Variants in RABGAP1L observed in about 807,000 individuals in gnomAD.
RABGAP1L encodes RAB GTPase activating protein 1 like, also known as rab GTPase-activating protein 1-like.
Under a neutral mutation model 137.7 loss-of-function variants are expected in RABGAP1L, and 63 were observed. The ratio of observed to expected loss-of-function variants is 0.46; its 90% CI spans 0.37 to 0.56. The LOEUF (loss-of-function observed/expected upper bound fraction) is 0.56. Ranked by LOEUF, RABGAP1L falls within the 20% of genes least tolerant of loss-of-function variation. The pLI, the probability that RABGAP1L is intolerant of heterozygous loss-of-function variation, is 0.00. For synonymous variants in RABGAP1L, 431 were observed against 433.7 expected (o/e 0.99, Z 0.08); for missense variants, 1,095 against 1,244.0 (o/e 0.88, Z 1.80).
In RABGAP1L at chr1:174,893,718, T is replaced by C. The variant is rs537840841; in HGVS notation, c.2341-63739T>C. Among the ~76,000 whole-genome samples, 6 of 152,304 alleles carry C rather than the reference T, an allele frequency of 3.9e-5. No individual in the cohort carries two copies. In the South Asian group the frequency reaches 1.2e-3, roughly 32 times the overall value. On this transcript the variant is annotated intron_variant, in intron 19 of 25. Transcript: ENST00000681986. ...AGCAGGTACTTCCTAATCAGGATCT[T>C]GACAACTATCAGCCACATAGAATAC...
At chr1:174,249,197 T>C (rs554858184) in intron 5 of RABGAP1L, among the ~76,000 whole-genome samples, 1 of 152,266 alleles carries the variant, frequency 6.6e-6, no homozygotes, top group East Asian at 1.9e-4. Flanking sequence ...ACCAATAGAA[T>C]AGATAAGAAT....
intron 18 of RABGAP1L, among the ~76,000 whole-genome samples, chr1:174,781,919 G>A (rs1168441212): frequency 6.6e-6 from 1 of 152,094 alleles, no homozygotes; most frequent in Non-Finnish European, 1.5e-5. Flanking sequence ...TGTTCCATTG[G>A]TCTGTATCTC....
intron 15 of RABGAP1L, among the ~76,000 whole-genome samples, chr1:174,685,368 T>A (rs1326493892): frequency 1.3e-5 from 2 of 152,046 alleles, no homozygotes; most frequent in African/African-American, 4.8e-5. Flanking sequence ...TTCTCCTGCC[T>A]CAGCCTTCCC....
chr1:174,267,770 GT>G (rs1390620459), intron 7 of RABGAP1L, among the ~76,000 whole-genome samples: 7 of 152,084 alleles, frequency 4.6e-5, no homozygotes, highest in Non-Finnish European at 1.0e-4. Context: ...ATAAACAATA[GT>G]TTTACTTTTT....
chr1:174,815,213 A>T (rs1690272536), intron 19 of RABGAP1L, among the ~76,000 whole-genome samples: 1 of 152,194 alleles, frequency 6.6e-6, no homozygotes, highest in African/African-American at 2.4e-5. Flanking sequence ...TGAATAATGG[A>T]AGTGCATGTG....
chr1:174,445,381 AT>A (rs1366225832), intron 13 of RABGAP1L, among the ~76,000 whole-genome samples: 1 of 152,148 alleles, frequency 6.6e-6, no homozygotes, highest in Non-Finnish European at 1.5e-5. Context: ...TTCTTTGACC[AT>A]TTGACCTTTT....
chr1:174,183,254 G>A (rs1295297448), intron 1 of RABGAP1L, among the ~76,000 whole-genome samples: 1 of 152,168 alleles, frequency 6.6e-6, no homozygotes, highest in African/African-American at 2.4e-5. Context: ...AATAAAAACA[G>A]ATACATTATT....
chr1:174,975,370 C>A (rs1224696654), intron 21 of RABGAP1L, among the ~76,000 whole-genome samples: 1 of 152,148 alleles, frequency 6.6e-6, no homozygotes, highest in African/African-American at 2.4e-5. Context: ...GAAGCCGAGG[C>A]CTAAAAGGTG....
chr1:174,921,580 A>G (rs1661817758), intron 19 of RABGAP1L, among the ~76,000 whole-genome samples: 1 of 152,174 alleles, frequency 6.6e-6, no homozygotes, highest in East Asian at 1.9e-4. Context: ...TAAGGAGTTT[A>G]TTTTCTGCAA....
chr1:174,648,234 T>C (rs1675159124), intron 14 of RABGAP1L, among the ~76,000 whole-genome samples: 1 of 152,146 alleles, frequency 6.6e-6, no homozygotes, highest in African/African-American at 2.4e-5. Context: ...AGTTATTTCT[T>C]GTCTTCTGCT....
chr1:174,466,788 G>A (rs900066547), intron 13 of RABGAP1L, among the ~76,000 whole-genome samples: 3 of 151,910 alleles, frequency 2.0e-5, no homozygotes, highest in Non-Finnish European at 1.5e-5. Flanking sequence ...CTTTATCCCC[G>A]CCCCCGAAAA....
intron 19 of RABGAP1L, among the ~76,000 whole-genome samples, chr1:174,896,078 A>G (rs1657108394): frequency 6.6e-6 from 1 of 152,110 alleles, no homozygotes; most frequent in African/African-American, 2.4e-5. Context: ...AAGTGTTCCT[A>G]TTTCTCCACA....
chr1:174,689,565 A>C (rs958250663), intron 15 of RABGAP1L, among the ~76,000 whole-genome samples: 9 of 152,144 alleles, frequency 5.9e-5, no homozygotes, highest in African/African-American at 2.2e-4. Context: ...GTGGGGCAAA[A>C]TGACTGTTGG....
intron 13 of RABGAP1L, among the ~76,000 whole-genome samples, chr1:174,499,466 C>T (rs1287131263): frequency 6.6e-6 from 1 of 152,052 alleles, no homozygotes. Context: ...TTGATGTTTA[C>T]AAGTATTGAG....
intron 17 of RABGAP1L, among the ~76,000 whole-genome samples, chr1:174,706,054 C>G (rs537841616): frequency 1.3e-5 from 2 of 152,142 alleles, no homozygotes; most frequent in South Asian, 2.1e-4. Flanking sequence ...CTCAAAGATC[C>G]CATTGCAAAG....
rs890645135 is a variant in RABGAP1L, at chr1:174,166,581, C to G, written c.-34+6924C>G. Reference sequence around the variant, plus strand: ...GTTTTGAAGTCTTGGATGGAACTTGCCTTGTTTCACAGGGGAATTGGGTAG... The same window carrying G: ...GTTTTGAAGTCTTGGATGGAACTTGGCTTGTTTCACAGGGGAATTGGGTAG... On this transcript the variant is annotated intron_variant, in intron 1 of 25. Coordinates refer to ENST00000681986, the MANE Select transcript of RABGAP1L (RefSeq NM_001366446.1). Among the ~76,000 whole-genome samples the G allele has an allele frequency of 1.2e-4, 18 of 152,152 alleles. No individual in the cohort carries two copies. The South Asian group carries it at 1.2e-3, about 10-fold the overall frequency.
chr1:174,187,701 A>T (rs535980927), intron 1 of RABGAP1L, among the ~76,000 whole-genome samples: 39 of 152,310 alleles, frequency 2.6e-4, no homozygotes, highest in South Asian at 1.7e-3. Context: ...TTTTAAAAAT[A>T]GTCATTTATT....
At chr1:174,686,213 A>G (rs1678447531) in intron 15 of RABGAP1L, among the ~76,000 whole-genome samples, 1 of 152,212 alleles carries the variant, frequency 6.6e-6, no homozygotes, top group Non-Finnish European at 1.5e-5. Flanking sequence ...AAGAGCAATT[A>G]TAGTAGATTC....
chr1:174,548,493 T>A, intron 13 of RABGAP1L: 1 of 947,596 alleles, frequency 1.1e-6, no homozygotes, highest in South Asian at 4.8e-5. Context: ...ATAACCTGAT[T>A]TTCTCATGGC....
Sources: allele counts gnomAD v4.1 joint callset (sites outside exome capture counted in the v4.1 genomes callset), GRCh38; gene constraint gnomAD v4.1.1; transcripts MANE v1.5; gene names NCBI Gene and HGNC (gene_info 2026-07-23, HGNC 2026-07-21).